The following DSCAML1 variants were observed in gnomAD, a reference collection of about 807,000 sequenced individuals.
The protein encoded by DSCAML1 is cell adhesion molecule DSCAML1.
A neutral mutation model predicts 200.5 loss-of-function variants in DSCAML1; 38 were observed. The ratio of observed to expected loss-of-function variants is 0.19; its 90% CI spans 0.15 to 0.25. The LOEUF (loss-of-function observed/expected upper bound fraction) is 0.25, where lower values mean the gene tolerates loss of function less well. DSCAML1 is among the 10% of genes least tolerant of loss of function. The pLI is 1.00. For missense variants in DSCAML1, 2,223 were observed against 2,858.8 expected, an observed-to-expected ratio of 0.78 and a Z score of 5.07; for synonymous variants, 1,215 against 1,165.0, an observed-to-expected ratio of 1.04 and a Z score of -0.87.
At chr11:117,539,759 G>T (rs2050233984) in intron 3 of DSCAML1, among the ~76,000 whole-genome samples, 1 of 152,142 alleles carries the variant, frequency 6.6e-6, no homozygotes, top group Non-Finnish European at 1.5e-5. Flanking sequence ...ATACGATCCA[G>T]TGATTCTACT....
chr11:117,428,535 G>A lies in DSCAML1; in HGVS notation c.5955C>T (p.Pro1985=), dbSNP rs763293056. ...AMPAPPAGTA[P]PAPGPTPAEP... is the part of the protein sequence containing the mutation. Reference sequence around the variant, plus strand: ...CAGCAGGGGTGGGGCCGGGGGCTGGGGGGGCTGTGCCGGCTGGGGGGGCTG... The same window carrying A: ...CAGCAGGGGTGGGGCCGGGGGCTGGAGGGGCTGTGCCGGCTGGGGGGGCTG... The change falls in exon 33 of 33, where the codon CCC becomes CCT. Residue 1985 remains proline (P), a synonymous_variant. Coordinates refer to ENST00000651296, the MANE Select transcript of DSCAML1 (RefSeq NM_020693.4). 16 of 1,514,314 alleles carry A rather than the reference G, an allele frequency of 1.1e-5. No homozygotes were observed. The highest frequency in any genetic ancestry group is 8.5e-5 in the South Asian group (7 of 82,020). 93.8% of individuals were successfully genotyped at this position (1,514,314 alleles called of 1,614,324 possible).
At chr11:117,773,020 G>A (rs1330091009) in intron 3 of DSCAML1, among the ~76,000 whole-genome samples, 1 of 152,212 alleles carries the variant, frequency 6.6e-6, no homozygotes, top group Non-Finnish European at 1.5e-5. Context: ...TCCCTGCCCT[G>A]GGCAAAGCAC....
Position 117,428,557 on chromosome 11 carries a change from G to C in DSCAML1, c.5933C>G (p.Ala1978Gly), listed in dbSNP as rs200329592. 0.011 allele frequency: 17,315 copies of C among 1,550,656 alleles called. 148 individuals are homozygous for C. Among genetic ancestry groups the C allele is most frequent in the South Asian group, 0.029 (2,434 of 84,818 alleles). Reference sequence around the variant, plus strand: ...TGGGGGGGCTGTGCCGGCTGGGGGGGCTGGCATGGCCAGAGTCCTCTGAGG... The same window carrying C: ...TGGGGGGGCTGTGCCGGCTGGGGGGCCTGGCATGGCCAGAGTCCTCTGAGG... ...TLPQRTLAMP[A>G]PPAGTAPPAP... Residue 1978 changes from alanine to glycine, a missense_variant, in exon 33 of 33, where the codon GCC becomes GGC. Coordinates refer to ENST00000651296, the MANE Select transcript of DSCAML1 (RefSeq NM_020693.4).
At chr11:117,673,763 G>A (rs1329377944) in intron 3 of DSCAML1, among the ~76,000 whole-genome samples, 1 of 152,170 alleles carries the variant, frequency 6.6e-6, no homozygotes, top group Non-Finnish European at 1.5e-5. Flanking sequence ...CTGTTGGTTG[G>A]CCCCAGCTGT....
chr11:117,776,316 T>A (rs2055128334), intron 3 of DSCAML1, among the ~76,000 whole-genome samples: 1 of 152,062 alleles, frequency 6.6e-6, no homozygotes. Flanking sequence ...AGAAGGAAAG[T>A]CCCCATACAC....
At chr11:117,598,820 T>C (rs2051410328) in intron 3 of DSCAML1, among the ~76,000 whole-genome samples, 1 of 152,132 alleles carries the variant, frequency 6.6e-6, no homozygotes, top group African/African-American at 2.4e-5. Context: ...ATGGCTTTGG[T>C]TTAAACTGAT....
intron 3 of DSCAML1, among the ~76,000 whole-genome samples, chr11:117,758,551 A>G (rs1343904989): frequency 1.3e-5 from 2 of 151,316 alleles, no homozygotes; most frequent in African/African-American, 2.4e-5. Flanking sequence ...ACAGGCGCCT[A>G]CCACCACGTC....
At chr11:117,626,371 T>A (rs1366917634) in intron 3 of DSCAML1, among the ~76,000 whole-genome samples, 2 of 152,296 alleles carry the variant, frequency 1.3e-5, no homozygotes, top group Middle Eastern at 3.4e-3. Flanking sequence ...GGGCCCTGAG[T>A]AGCAAATGTA....
intron 5 of DSCAML1, 132 bp downstream of exon 5, chr11:117,524,673 C>T: frequency 8.5e-7 from 1 of 1,176,664 alleles, no homozygotes; most frequent in Non-Finnish European, 1.2e-6. Flanking sequence ...ACCAGACTGC[C>T]TTCCCCAGTC....
At chr11:117,432,641 G>GA in intron 29 of DSCAML1, 137 bp from the exon 30 acceptor site, 3 of 1,007,472 alleles carry the variant, frequency 3.0e-6, no homozygotes, top group African/African-American at 1.6e-5. Flanking sequence ...TTTTGAGACA[G>GA]GGTCTCACTC....
intron 1 of DSCAML1, among the ~76,000 whole-genome samples, chr11:117,791,647 C>T (rs1024288949): frequency 6.6e-6 from 1 of 152,218 alleles, no homozygotes; most frequent in African/African-American, 2.4e-5. Flanking sequence ...ATGTGGAGTC[C>T]TACATGCTAT....
At chr11:117,804,461 C>T (rs775339788) in intron 1 of DSCAML1, among the ~76,000 whole-genome samples, 4 of 152,226 alleles carry the variant, frequency 2.6e-5, no homozygotes, top group Non-Finnish European at 5.9e-5. Flanking sequence ...CCTTAGCTTT[C>T]TGGAGTTCAA....
At chr11:117,467,469 A>T (rs1446107580) in intron 16 of DSCAML1, among the ~76,000 whole-genome samples, 1 of 152,246 alleles carries the variant, frequency 6.6e-6, no homozygotes, top group Non-Finnish European at 1.5e-5. Context: ...ACTAAAAAAT[A>T]GTGAGATAAA....
Position 117,476,470 on chromosome 11 carries a change from C to G in DSCAML1, c.2785+3973G>C, listed in dbSNP as rs539058436. ...TCACGACATCTCAACACCAGTCCCT[C>G]TGACAGCCACACTCCAGCTCCCACA... On this transcript the variant is annotated intron_variant, in intron 14 of 32. Coordinates refer to ENST00000651296, the MANE Select transcript of DSCAML1 (RefSeq NM_020693.4). 1.4e-4 allele frequency among the ~76,000 whole-genome samples: 21 copies of G among 152,338 alleles called. No individual in the cohort carries two copies. The South Asian group carries it at 4.1e-3, about 30-fold the overall frequency.
At chr11:117,721,014 C>T (rs948862015) in intron 3 of DSCAML1, among the ~76,000 whole-genome samples, 4 of 152,164 alleles carry the variant, frequency 2.6e-5, no homozygotes, top group Non-Finnish European at 4.4e-5. Context: ...AACGTTTGTC[C>T]AAGGCAGATG....
intron 3 of DSCAML1, among the ~76,000 whole-genome samples, chr11:117,595,067 C>A (rs1169903352): frequency 3.3e-5 from 5 of 151,742 alleles, no homozygotes; most frequent in Admixed American, 3.3e-4. Flanking sequence ...CTTACACACA[C>A]ACACACACAC....
chr11:117,467,174 C>T (rs559593074), intron 16 of DSCAML1, among the ~76,000 whole-genome samples: 10 of 150,072 alleles, frequency 6.7e-5, no homozygotes, highest in South Asian at 2.1e-4. Flanking sequence ...GGTGCGCGCA[C>T]GCATGCGCGT....
chr11:117,622,318 C>T (rs978652535), intron 3 of DSCAML1, among the ~76,000 whole-genome samples: 23 of 152,266 alleles, frequency 1.5e-4, no homozygotes, highest in Middle Eastern at 3.4e-3. Context: ...GCTGAGAAGC[C>T]GCCATCTGTA....
intron 3 of DSCAML1, among the ~76,000 whole-genome samples, chr11:117,656,565 A>C (rs1308414158): frequency 6.6e-6 from 1 of 151,914 alleles, no homozygotes; most frequent in Non-Finnish European, 1.5e-5. Context: ...CCACCCATCC[A>C]AATTTAGTAT....
Sources: gnomAD v4.1 joint callset for allele counts (sites outside exome capture counted in the v4.1 genomes callset) on GRCh38, gnomAD v4.1.1 for gene constraint, MANE v1.5 for transcripts, NCBI Gene and HGNC (gene_info 2026-07-23, HGNC 2026-07-21) for gene names.